PDE4B: variants seen among roughly 807,000 people sequenced by gnomAD.
PDE4B encodes the protein phosphodiesterase 4B, also known as 3',5'-cyclic-AMP phosphodiesterase 4B.
A neutral mutation model predicts 82.2 loss-of-function variants in PDE4B; 20 were observed. The observed-to-expected ratio is 0.24, with a 90% CI of 0.17 to 0.35. The LOEUF (loss-of-function observed/expected upper bound fraction) is 0.35, where lower values mean the gene tolerates loss of function less well. PDE4B is among the 10% of genes least tolerant of loss of function. The pLI, the probability that PDE4B is intolerant of heterozygous loss-of-function variation, is 1.00. For missense variants in PDE4B, 655 were observed against 907.2 expected (o/e 0.72, Z 3.57); for synonymous variants, 320 against 318.9 (o/e 1.00, Z -0.04).
chr1:65,988,850 AT>A (rs1345686980), intron 3 of PDE4B, among the ~76,000 whole-genome samples: 3 of 152,112 alleles, frequency 2.0e-5, no homozygotes, highest in African/African-American at 7.2e-5. Flanking sequence ...CTCGTAGAAA[AT>A]TTATTCCAGG....
intron 3 of PDE4B, among the ~76,000 whole-genome samples, chr1:66,238,789 G>C (rs1476090833): frequency 1.3e-5 from 2 of 152,016 alleles, no homozygotes; most frequent in African/African-American, 4.8e-5. Flanking sequence ...GTGGGATAAA[G>C]ATTAAACTAA....
At chr1:66,368,480 T>A (rs1037776302) in intron 15 of PDE4B, among the ~76,000 whole-genome samples, 13 of 152,234 alleles carry the variant, frequency 8.5e-5, no homozygotes, top group African/African-American at 3.1e-4. Flanking sequence ...ATTCTTTGCA[T>A]TCTTTCCAAA....
intron 7 of PDE4B, among the ~76,000 whole-genome samples, chr1:66,313,653 C>T (rs1340841527): frequency 6.6e-6 from 1 of 152,192 alleles, no homozygotes; most frequent in Non-Finnish European, 1.5e-5. Flanking sequence ...TCATCCAAAA[C>T]ATTTATCACT....
chr1:66,011,736 C>T (rs1045612791), intron 3 of PDE4B, among the ~76,000 whole-genome samples: 2 of 151,932 alleles, frequency 1.3e-5, no homozygotes, highest in Non-Finnish European at 2.9e-5. Flanking sequence ...TATTTTGCCA[C>T]TAGGATATTG....
intron 3 of PDE4B, among the ~76,000 whole-genome samples, chr1:65,993,561 T>C (rs1157128835): frequency 6.6e-6 from 1 of 152,196 alleles, no homozygotes; most frequent in African/African-American, 2.4e-5. Flanking sequence ...TTCTAACTTA[T>C]TTTTAAGATA....
In PDE4B at chr1:66,253,510, T is replaced by C. The variant is rs142420674; in HGVS notation, c.477-4137T>C. Among the ~76,000 whole-genome samples, 7 of 152,352 alleles carry C rather than the reference T, an allele frequency of 4.6e-5. No individual in the cohort carries two copies. The East Asian group carries it at 1.3e-3, about 29-fold the overall frequency. ...ATGTGCTGGCTTTGTCACTAGATGT[T>C]GCTCTTGCAATGCAATGATTCTGAA... On this transcript the variant is annotated intron_variant, in intron 4 of 16. Transcript: ENST00000341517.
chr1:66,087,201 T>C (rs1224888489), intron 3 of PDE4B, among the ~76,000 whole-genome samples: 2 of 152,112 alleles, frequency 1.3e-5, no homozygotes, highest in Non-Finnish European at 2.9e-5. Flanking sequence ...CAATGGCAAG[T>C]AGGCCAGTAT....
chr1:65,826,700 A>G (rs931744683), intron 1 of PDE4B, among the ~76,000 whole-genome samples: 1 of 152,152 alleles, frequency 6.6e-6, no homozygotes, highest in Admixed American at 6.5e-5. Flanking sequence ...GGGGAAAAAA[A>G]CAGGAAAAAT....
chr1:65,829,084 A>G (rs985206084), intron 1 of PDE4B, among the ~76,000 whole-genome samples: 2 of 123,166 alleles, frequency 1.6e-5, no homozygotes, highest in African/African-American at 2.7e-5. Context: ...CACTTTAAAT[A>G]TAAAGAATTA....
At position 66,249,828 on chromosome 1, in the gene PDE4B, A is replaced by G. The variant is rs189828014; in HGVS notation, c.476+2174A>G. On this transcript the variant is annotated intron_variant, in intron 4 of 16. Transcript: ENST00000341517. The stretch of plus-strand genomic sequence containing the variant: ...GTATGGGCACAATTTCATAATAAAA[A>G]GCAGCCTTTCCCAAGAAAACAAGGT... Among the ~76,000 whole-genome samples, 1,091 of 152,348 alleles carry G rather than the reference A, an allele frequency of 7.2e-3. 20 individuals are homozygous for G. The highest frequency in any genetic ancestry group is 0.026 in the African/African-American group (1,061 of 41,572).
chr1:65,970,162 G>T (rs915785906), intron 3 of PDE4B, among the ~76,000 whole-genome samples: 1 of 150,132 alleles, frequency 6.7e-6, no homozygotes, highest in Non-Finnish European at 1.5e-5. Flanking sequence ...TGATTTAGTG[G>T]TTTAAAATAT....
rs146944601 is a variant in PDE4B, at chr1:65,876,464, T to C, written c.-70-36781T>C. ...TACATACATACATATGTGTATGAAG[T>C]TTTATTTTTAGAGTTAAATTTGTTA... On this transcript the variant is annotated intron_variant, in intron 1 of 16. Coordinates refer to ENST00000341517, the MANE Select transcript of PDE4B (RefSeq NM_002600.4). 1.3e-3 allele frequency among the ~76,000 whole-genome samples: 195 copies of C among 152,178 alleles called. 2 individuals carry two copies. In the Middle Eastern group the frequency reaches 0.014, roughly 11 times the overall value.
At chr1:66,011,269 A>G (rs1375539268) in intron 3 of PDE4B, among the ~76,000 whole-genome samples, 1 of 147,440 alleles carries the variant, frequency 6.8e-6, no homozygotes, top group Non-Finnish European at 1.5e-5. Flanking sequence ...CTCTATTTCT[A>G]TGGATGGAAA....
rs534100690 is a variant in PDE4B, at chr1:66,199,143, G to A, written c.282-48317G>A. 4.5e-4 allele frequency among the ~76,000 whole-genome samples: 69 copies of A among 151,816 alleles called. No individual in the cohort carries two copies. The East Asian group carries it at 0.013, about 28-fold the overall frequency. ...ATATACCCAGTAATGGGATGGCTGGGTCAAATGGTATTTCTAGTTCTAGAT... is the reference window on the plus strand; with the variant it reads ...ATATACCCAGTAATGGGATGGCTGGATCAAATGGTATTTCTAGTTCTAGAT... On this transcript the variant is annotated intron_variant, in intron 3 of 16. Transcript: ENST00000341517.
intron 1 of PDE4B, among the ~76,000 whole-genome samples, chr1:65,835,248 C>T (rs887481957): frequency 4.6e-5 from 7 of 151,878 alleles, no homozygotes; most frequent in Admixed American, 3.9e-4. Flanking sequence ...TAGGAAATGG[C>T]ATCTAACACT....
At chr1:65,853,720 G>A (rs938932867) in intron 1 of PDE4B, among the ~76,000 whole-genome samples, 4 of 151,912 alleles carry the variant, frequency 2.6e-5, no homozygotes, top group Admixed American at 2.0e-4. Flanking sequence ...AGTAGAGACG[G>A]GGTTTTACCA....
rs558138026 is a variant in PDE4B, at chr1:65,937,299, C to T, written c.281+18464C>T. Among the ~76,000 whole-genome samples, 5 of 152,280 alleles carry T rather than the reference C, an allele frequency of 3.3e-5. No homozygotes were observed. In the South Asian group the frequency reaches 1.0e-3, roughly 32 times the overall value. On this transcript the variant is annotated intron_variant, in intron 3 of 16. Transcript: ENST00000341517. ...GCGATTTCCCTGCCTCTGTCTAAGG[C>T]TGGAAACATTCGTTATTGTGGAGGG...
intron 3 of PDE4B, among the ~76,000 whole-genome samples, chr1:66,108,418 C>T (rs781108773): frequency 8.6e-5 from 13 of 151,908 alleles, no homozygotes; most frequent in Non-Finnish European, 1.8e-4. Flanking sequence ...CCAAAAAGCA[C>T]AGGAAACAAA....
At chr1:66,371,094 CTATATATATATATATATATATATA>C (rs557320202) in intron 16 of PDE4B, among the ~76,000 whole-genome samples, 12 of 74,842 alleles carry the variant, frequency 1.6e-4, no homozygotes, top group Admixed American at 3.5e-4. Context: ...ACACATCATA[CTATATATATATATATATATATATA>C]TATATATATA....
Sources: allele counts gnomAD v4.1 joint callset (sites outside exome capture counted in the v4.1 genomes callset), GRCh38; gene constraint gnomAD v4.1.1; transcripts MANE v1.5; gene names NCBI Gene and HGNC (gene_info 2026-07-23, HGNC 2026-07-21).